Variants in THTPA observed in about 807,000 individuals in gnomAD.
The protein encoded by THTPA is thiamine-triphosphatase.
Under a neutral mutation model 16.5 loss-of-function variants are expected in THTPA, and 16 were observed. That is an observed-to-expected ratio of 0.97 (90% CI 0.66 to 1.47). THTPA has a LOEUF of 1.47. Among genes scored for constraint, THTPA ranks in the 40% most tolerant of loss-of-function variants. The pLI is 0.00. For synonymous variants in THTPA, 110 were observed against 115.5 expected, an observed-to-expected ratio of 0.95 and a Z score of 0.30; for missense variants, 281 against 280.9, an observed-to-expected ratio of 1.00 and a Z score of 0.00.
At chr14:23,526,113 G>A in the THTPA span, 15 of 1,536,330 alleles carry the variant, frequency 9.8e-6, no homozygotes, top group Admixed American at 2.0e-5. Flanking sequence ...TTGGTTCCCC[G>A]AGAGCGAGTC....
chr14:23,525,823 C>T, the THTPA span: 1 of 1,460,024 alleles, frequency 6.8e-7, no homozygotes, highest in South Asian at 1.4e-5. This position sits in a 1 kb window ranked among gnomAD's most constrained non-coding sequence, Gnocchi z 5.9. Flanking sequence ...TGGGCCCCAC[C>T]TTGAGATCGT....
the THTPA span, among the ~76,000 whole-genome samples, chr14:23,515,104 C>T: frequency 2.0e-5 from 3 of 152,206 alleles, no homozygotes; most frequent in East Asian, 3.9e-4. Flanking sequence ...CAACAAAACC[C>T]TAGGAGAGCA....
chr14:23,534,091 G>T, the THTPA span: 1 of 1,500,018 alleles, frequency 6.7e-7, no homozygotes, highest in African/African-American at 1.4e-5. This position sits in a 1 kb window ranked among gnomAD's most constrained non-coding sequence, Gnocchi z 4.5. Context: ...TGGGTCACTG[G>T]GGTCTTCGGG....
the THTPA span, chr14:23,529,903 G>A: frequency 9.9e-7 from 1 of 1,007,784 alleles, no homozygotes; most frequent in Non-Finnish European, 1.5e-6. Context: ...GCTTGGCAAG[G>A]GCTGACTCCG....
chr14:23,528,184 C>T, the THTPA span, among the ~76,000 whole-genome samples: 2 of 152,216 alleles, frequency 1.3e-5, no homozygotes, highest in Non-Finnish European at 2.9e-5. Context: ...GCTGGGATTA[C>T]AGGCGTGAGC....
Position 23,556,458 on chromosome 14 carries a change from AC to A in THTPA, c.-299del. Reference sequence around the variant, plus strand: ...GTGTAGAGAGGGGGGCGTTGAAAGGACACCCGCTACCCGGCCTGCTTTCTAG... The same window carrying A: ...GTGTAGAGAGGGGGGCGTTGAAAGGAACCCGCTACCCGGCCTGCTTTCTAG... On this transcript the variant is annotated 5_prime_UTR_variant, in exon 1 of 2. Coordinates refer to ENST00000288014, the MANE Select transcript of THTPA (RefSeq NM_024328.6). 1 of 357,758 alleles carries A rather than the reference AC, an allele frequency of 2.8e-6. No individual in the cohort carries two copies. 22.2% of individuals were successfully genotyped at this position (357,758 alleles called of 1,614,324 possible).
Position 23,556,980 on chromosome 14 carries a change from C to T in THTPA, c.223C>T (p.Pro75Ser). Residue 75 changes from proline to serine, a missense_variant, in exon 1 of 2, where the codon CCC (proline) becomes TCC (serine). Coordinates refer to ENST00000288014, the MANE Select transcript of THTPA (RefSeq NM_024328.6). ...KCPGAAGVLG[P>S]HTEYKELTAE... ...TCCTGGAGCAGCAGGTGTCTTAGGA[C>T]CCCACACGGAGTATAAGGAACTCAC... The T allele has an allele frequency of 1.9e-6, 3 of 1,614,148 alleles. No homozygotes were observed. The highest frequency in any genetic ancestry group is 1.1e-5 in the South Asian group (1 of 91,074).
the THTPA span, chr14:23,534,317 C>A: frequency 6.5e-7 from 1 of 1,536,060 alleles, no homozygotes; most frequent in Non-Finnish European, 8.7e-7. The surrounding 1 kb of genome is among the most constrained non-coding windows in gnomAD (Gnocchi z 4.5). Context: ...ACTTCTTCAT[C>A]CAGGAGGATA....
the THTPA span, among the ~76,000 whole-genome samples, chr14:23,550,918 A>C: frequency 0.18 from 27,503 of 150,104 alleles, 3,421 homozygotes; most frequent in African/African-American, 0.35. Context: ...GAGACCCAGG[A>C]CCCTCCAGGC....
chr14:23,548,847 G>GGCGCCCCCGCA, the THTPA span, among the ~76,000 whole-genome samples: 7 of 151,980 alleles, frequency 4.6e-5, no homozygotes, highest in Non-Finnish European at 8.8e-5. Flanking sequence ...CCAACCCCCC[G>GGCGCCCCCGCA]GCGCCCCCGC....
chr14:23,529,789 G>C, the THTPA span: 1 of 1,535,710 alleles, frequency 6.5e-7, no homozygotes, highest in Non-Finnish European at 8.7e-7. Context: ...AAGAAGAGGA[G>C]ATTAAGGAAC....
the THTPA span, among the ~76,000 whole-genome samples, chr14:23,527,390 A>T: frequency 1.4e-4 from 22 of 152,212 alleles, no homozygotes; most frequent in Admixed American, 1.4e-3. Context: ...TTGCCAACAC[A>T]TGCACTTGCC....
rs776642835 is a variant in THTPA, at chr14:23,557,209, T to C, written c.452T>C (p.Phe151Ser). 3.1e-6 allele frequency: 5 copies of C among 1,613,776 alleles called. No homozygotes were observed. Among genetic ancestry groups the C allele is most frequent in the Non-Finnish European group, 4.2e-6 (5 of 1,179,982 alleles). The change falls in exon 1 of 2, where the codon TTT (phenylalanine) becomes TCT (serine). Residue 151 changes from phenylalanine (F) to serine (S), a missense_variant. Physicochemically the swap from Phe to Ser is radical, Grantham distance 155 (BLOSUM62 -2). Coordinates refer to ENST00000288014, the MANE Select transcript of THTPA (RefSeq NM_024328.6). ...QLRVDLDTAD[F>S]GYAVGEVEAL... ...AGGGTGGACTTGGATACAGCCGACT[T>C]TGGCTACGCTGTGGGTGAGGTAGAG...
chr14:23,552,334 C>T (rs187776655), upstream of THTPA, among the ~76,000 whole-genome samples: 26 of 150,664 alleles, frequency 1.7e-4, no homozygotes, highest in Admixed American at 1.7e-3. Flanking sequence ...CACTCAGTCG[C>T]CCAGGTTGGA....
chr14:23,513,759 G>A, the THTPA span: 1 of 152,714 alleles, frequency 6.5e-6, no homozygotes, highest in South Asian at 2.1e-4. Flanking sequence ...CCCAGAACTG[G>A]GGCAATGGAG....
chr14:23,526,292 T>G, the THTPA span: 1 of 1,536,146 alleles, frequency 6.5e-7, no homozygotes, highest in Non-Finnish European at 8.7e-7. Flanking sequence ...CTTCATCTTG[T>G]GAAGGTGGGA....
At chr14:23,530,092 G>A in the THTPA span, 2 of 1,523,144 alleles carry the variant, frequency 1.3e-6, no homozygotes, top group Non-Finnish European at 1.8e-6. Flanking sequence ...AAGGTAGGAG[G>A]ACTGGGGGGA....
Position 23,558,775 on chromosome 14 carries a change from C to T in THTPA, c.628C>T (p.Leu210=). 6.2e-7 allele frequency: 1 copy of T among 1,614,198 alleles called. No homozygotes were observed. The highest frequency in any genetic ancestry group is 8.5e-7 in the Non-Finnish European group (1 of 1,180,012). ...CCGGCCTCAAGACTATCAGCGCCTG[C>T]TAGAAGTGAACAGCTCCAGAGAGAG... The part of the protein sequence containing the change: ...RFRPQDYQRL[L]EVNSSRERPQ... The change falls in exon 2 of 2, where the codon CTA becomes TTA. Residue 210 remains leucine (L), a synonymous_variant. Coordinates refer to ENST00000288014, the MANE Select transcript of THTPA (RefSeq NM_024328.6).
chr14:23,525,338 T>C, the THTPA span: 67 of 1,535,838 alleles, frequency 4.4e-5, no homozygotes, highest in Non-Finnish European at 8.7e-6. This position sits in a 1 kb window ranked among gnomAD's most constrained non-coding sequence, Gnocchi z 5.9. Context: ...ATCAGGAGGT[T>C]TGGGAGGCTC....
Sources: gnomAD v4.1 joint callset for allele counts (sites outside exome capture counted in the v4.1 genomes callset) on GRCh38, gnomAD v4.1.1 for gene constraint, Gnocchi (gnomAD v3.1) non-coding constraint, MANE v1.5 for transcripts, NCBI Gene and HGNC (gene_info 2026-07-23, HGNC 2026-07-21) for gene names.